The following CCDC170 variants were observed in gnomAD, a reference collection of about 807,000 sequenced individuals.
The protein encoded by CCDC170 is coiled-coil domain-containing protein 170.
A neutral mutation model predicts 72.6 loss-of-function variants in CCDC170; 69 were observed. That is an observed-to-expected ratio of 0.95 (90% CI 0.78 to 1.16). The LOEUF (loss-of-function observed/expected upper bound fraction) is 1.16, where lower values mean the gene tolerates loss of function less well. Ranked by LOEUF, CCDC170 falls within the 50% of genes most tolerant of loss-of-function variation. The pLI, the probability that CCDC170 is intolerant of heterozygous loss-of-function variation, is 0.00. For missense variants in CCDC170, 852 were observed against 832.5 expected (o/e 1.02, Z -0.29); for synonymous variants, 300 against 303.9 (o/e 0.99, Z 0.13).
chr6:151,509,414 T>G (rs988910382), intron 1 of CCDC170, among the ~76,000 whole-genome samples: 1 of 152,160 alleles, frequency 6.6e-6, no homozygotes, highest in Non-Finnish European at 1.5e-5. Context: ...CCCATGGAGG[T>G]AGATCCTGTA....
chr6:151,525,012 A>G (rs1396598424), intron 1 of CCDC170, among the ~76,000 whole-genome samples: 1 of 142,994 alleles, frequency 7.0e-6, no homozygotes, highest in Non-Finnish European at 1.5e-5. Context: ...GGCTCACTGC[A>G]AACTCCGCCT....
intron 5 of CCDC170, among the ~76,000 whole-genome samples, chr6:151,570,837 G>A (rs1335917059): frequency 6.6e-6 from 1 of 152,176 alleles, no homozygotes; most frequent in African/African-American, 2.4e-5. Flanking sequence ...TACTTTTAAG[G>A]ACCGTCATTT....
At chr6:151,595,874 C>A (rs1457304371) in intron 8 of CCDC170, among the ~76,000 whole-genome samples, 1 of 152,020 alleles carries the variant, frequency 6.6e-6, no homozygotes, top group African/African-American at 2.4e-5. Context: ...TGTTCCAGTT[C>A]TAAGGGATTG....
chr6:151,497,769 A>G (rs1323963518), intron 1 of CCDC170, among the ~76,000 whole-genome samples: 1 of 152,030 alleles, frequency 6.6e-6, no homozygotes, highest in Non-Finnish European at 1.5e-5. Flanking sequence ...TGAGGTCAGG[A>G]GTTCGAGACC....
chr6:151,586,498 A>C (rs1234052492), intron 7 of CCDC170, among the ~76,000 whole-genome samples: 2 of 152,206 alleles, frequency 1.3e-5, no homozygotes, highest in Non-Finnish European at 2.9e-5. Flanking sequence ...GGAGATAATT[A>C]AGTTCATTTT....
chr6:151,590,108 T>C (rs1218035588), intron 7 of CCDC170, among the ~76,000 whole-genome samples: 1 of 152,124 alleles, frequency 6.6e-6, no homozygotes, highest in Non-Finnish European at 1.5e-5. Flanking sequence ...CCTCTGGCAG[T>C]CTTCCCTAAG....
chr6:151,552,630 G>A (rs1443033710), intron 5 of CCDC170, among the ~76,000 whole-genome samples: 1 of 151,976 alleles, frequency 6.6e-6, no homozygotes, highest in African/African-American at 2.4e-5. Flanking sequence ...AATTTGTCCG[G>A]CAGAAGCTCC....
chr6:151,617,142 A>G (rs1776981690), intron 10 of CCDC170, among the ~76,000 whole-genome samples: 1 of 152,134 alleles, frequency 6.6e-6, no homozygotes, highest in African/African-American at 2.4e-5. Context: ...GGGTGCCTTT[A>G]ATGAGGTGTT....
intron 1 of CCDC170, among the ~76,000 whole-genome samples, chr6:151,526,602 G>A (rs890607092): frequency 8.1e-5 from 12 of 147,898 alleles, no homozygotes; most frequent in Middle Eastern, 3.5e-3. Flanking sequence ...TGCAAACTCC[G>A]CCTCCTGGGT....
intron 5 of CCDC170, among the ~76,000 whole-genome samples, chr6:151,549,322 C>T (rs978761302): frequency 6.6e-6 from 1 of 151,920 alleles, no homozygotes; most frequent in African/African-American, 2.4e-5. Flanking sequence ...AGGTGTGAGC[C>T]ACTGTGCCTG....
intron 6 of CCDC170, 66 bp from the exon 7 acceptor site, chr6:151,585,823 A>G (rs1217773726): frequency 1.4e-6 from 2 of 1,434,330 alleles, no homozygotes; most frequent in African/African-American, 2.8e-5. Context: ...TAGGCAGAGC[A>G]GTAGATGTGA....
intron 5 of CCDC170, among the ~76,000 whole-genome samples, chr6:151,556,638 G>A (rs9322326): frequency 0.99 from 151,020 of 152,352 alleles, 74,854 homozygotes; most frequent in Middle Eastern, 1. Context: ...TAACGGGTAC[G>A]TGTGCTATTT....
intron 7 of CCDC170, among the ~76,000 whole-genome samples, chr6:151,587,069 C>T (rs986736858): frequency 1.3e-5 from 2 of 152,058 alleles, no homozygotes; most frequent in Admixed American, 1.3e-4. Context: ...CAGGTGTGAG[C>T]CACCGTGCCA....
At chr6:151,580,173 C>G (rs569776796) in intron 6 of CCDC170, among the ~76,000 whole-genome samples, 2 of 152,232 alleles carry the variant, frequency 1.3e-5, no homozygotes, top group South Asian at 4.1e-4. Context: ...CTGACTATGG[C>G]TAACTGATCA....
At chr6:151,578,475 G>T (rs369550188) in intron 6 of CCDC170, among the ~76,000 whole-genome samples, 1 of 152,036 alleles carries the variant, frequency 6.6e-6, no homozygotes. Context: ...GTCGGTCTTC[G>T]TGTCCAAATT....
intron 6 of CCDC170, among the ~76,000 whole-genome samples, chr6:151,576,081 G>A (rs985592446): frequency 6.6e-6 from 1 of 152,194 alleles, no homozygotes; most frequent in African/African-American, 2.4e-5. Flanking sequence ...TCAACTTGAC[G>A]ATGGTGTGAA....
At position 151,532,960 on chromosome 6, in the gene CCDC170, G is replaced by A. The variant is rs556166998; in HGVS notation, c.58-3358G>A. On this transcript the variant is annotated intron_variant, in intron 1 of 10. Coordinates refer to ENST00000239374, the MANE Select transcript of CCDC170 (RefSeq NM_025059.4). ...CTTTCTCTCAGATCCTTGCCTGCAC[G>A]GGCCAGATCCCTGCCGCAGGGCCCT... Among the ~76,000 whole-genome samples the A allele has an allele frequency of 1.0e-3, 153 of 152,256 alleles. 1 individual carries two copies. The highest frequency in any genetic ancestry group is 3.2e-3 in the African/African-American group (132 of 41,546).
intron 1 of CCDC170, among the ~76,000 whole-genome samples, chr6:151,511,108 C>A (rs1160491446): frequency 1.3e-5 from 2 of 152,164 alleles, no homozygotes; most frequent in Non-Finnish European, 2.9e-5. Context: ...CAATTCATGG[C>A]TTTGCCTCTC....
chr6:151,559,260 C>A (rs1177727270), intron 5 of CCDC170, among the ~76,000 whole-genome samples: 1 of 152,092 alleles, frequency 6.6e-6, no homozygotes, highest in Admixed American at 6.5e-5. Context: ...GATCCACCTG[C>A]CCTGACCTCC....
Sources: gnomAD v4.1 joint callset for allele counts (sites outside exome capture counted in the v4.1 genomes callset) on GRCh38, gnomAD v4.1.1 for gene constraint, MANE v1.5 for transcripts, NCBI Gene and HGNC (gene_info 2026-07-23, HGNC 2026-07-21) for gene names.